Variants in APBA2 observed in about 807,000 individuals in gnomAD.
APBA2 encodes the protein amyloid-beta A4 precursor protein-binding family A member 2.
In APBA2, 30 loss-of-function variants were observed where a neutral mutation model predicts 75.0. The observed-to-expected ratio is 0.40, with a 90% CI of 0.30 to 0.54. The LOEUF (loss-of-function observed/expected upper bound fraction) is 0.54. Ranked by LOEUF, APBA2 falls within the 20% of genes least tolerant of loss-of-function variation. APBA2 has a pLI of 0.49. For synonymous variants in APBA2, 444 were observed against 409.6 expected (o/e 1.08, Z -1.01); for missense variants, 801 against 1,016.1 (o/e 0.79, Z 2.88).
At chr15:28,915,091 A>ATACCCCATGTATACCACACACCACAC (rs2033609040) in intron 1 of APBA2, among the ~76,000 whole-genome samples, 2 of 18,488 alleles carry the variant, frequency 1.1e-4, no homozygotes, top group Non-Finnish European at 2.4e-4. Context: ...ACACACCACA[A>ATACCCCATGTATACCACACACCACAC]ACATACCATA....
At chr15:28,950,289 C>T (rs997993055) in intron 2 of APBA2, among the ~76,000 whole-genome samples, 26 of 152,146 alleles carry the variant, frequency 1.7e-4, no homozygotes, top group African/African-American at 7.2e-5. Context: ...ATGTTGACCC[C>T]GATCAGCTGG....
chr15:29,092,251 C>T (rs544250851), intron 6 of APBA2, among the ~76,000 whole-genome samples: 1 of 152,180 alleles, frequency 6.6e-6, no homozygotes, highest in African/African-American at 2.4e-5. Context: ...GAAAGGTTTG[C>T]CCACCCCTAG....
chr15:29,091,038 G>A (rs2043543443), intron 6 of APBA2, among the ~76,000 whole-genome samples: 1 of 152,080 alleles, frequency 6.6e-6, no homozygotes, highest in South Asian at 2.1e-4. Context: ...TCCCTCTGTG[G>A]GGCTGCCTCT....
Position 28,997,596 on chromosome 15 carries a change from G to T in APBA2, c.-41+1790G>T, listed in dbSNP as rs147891418. Reference sequence around the variant, plus strand: ...AATTCCAGTCTTCTGGGAGCCCAGGGTTAAGCAGCTGCCTCAGCCCATCCA... The same window carrying T: ...AATTCCAGTCTTCTGGGAGCCCAGGTTTAAGCAGCTGCCTCAGCCCATCCA... On this transcript the variant is annotated intron_variant, in intron 3 of 14. Transcript: ENST00000683413. Among the ~76,000 whole-genome samples the T allele has an allele frequency of 6.6e-3, 1,002 of 152,266 alleles. 13 individuals carry two copies. The highest frequency in any genetic ancestry group is 0.023 in the African/African-American group (955 of 41,556).
intron 3 of APBA2, among the ~76,000 whole-genome samples, chr15:29,021,265 A>G (rs1170192391): frequency 6.6e-6 from 1 of 152,198 alleles, no homozygotes; most frequent in Non-Finnish European, 1.5e-5. Flanking sequence ...ACAGTGGCTC[A>G]TGCCTGTAAT....
At chr15:29,048,368 A>G (rs1045418002) in intron 3 of APBA2, among the ~76,000 whole-genome samples, 4 of 152,190 alleles carry the variant, frequency 2.6e-5, no homozygotes, top group Admixed American at 6.5e-5. Context: ...AAAATTCCCT[A>G]AAGTAATTTA....
chr15:29,065,847 G>A (rs2042357265), intron 4 of APBA2, among the ~76,000 whole-genome samples: 1 of 152,238 alleles, frequency 6.6e-6, no homozygotes, highest in South Asian at 2.1e-4. Flanking sequence ...ACTGGGTGCT[G>A]ACTCACTTCT....
intron 2 of APBA2, among the ~76,000 whole-genome samples, chr15:28,958,973 T>C (rs1183624648): frequency 1.3e-5 from 2 of 152,186 alleles, no homozygotes; most frequent in Non-Finnish European, 2.9e-5. Context: ...TCTATAGGGC[T>C]CTTCTCTTCT....
chr15:29,098,610 AAAC>A, intron 9 of APBA2, 34 bp downstream of exon 9: 1 of 1,553,072 alleles, frequency 6.4e-7, no homozygotes, highest in Non-Finnish European at 8.9e-7. Context: ...AAAATCAGGT[AAAC>A]TCCTAAGTTC....
intron 6 of APBA2, among the ~76,000 whole-genome samples, chr15:29,091,095 G>T (rs2043546915): frequency 1.3e-5 from 2 of 152,176 alleles, no homozygotes; most frequent in Admixed American, 6.5e-5. Flanking sequence ...CTGAGAGACA[G>T]GTGGACAGGG....
chr15:28,966,902 C>T (rs975634855), intron 2 of APBA2, among the ~76,000 whole-genome samples: 6 of 152,156 alleles, frequency 3.9e-5, no homozygotes, highest in African/African-American at 1.4e-4. Context: ...CCACTTTGGA[C>T]CCTTTACCCT....
intron 3 of APBA2, among the ~76,000 whole-genome samples, chr15:29,031,917 G>A (rs1400070311): frequency 6.6e-5 from 10 of 152,378 alleles, no homozygotes; most frequent in Admixed American, 4.6e-4. Flanking sequence ...TGAGGGTGAA[G>A]TGCAGGCCAT....
rs767460663 is a variant in APBA2, at chr15:29,108,513, C to T, written c.2037+124C>T. ...GGTAGGACCTGGCCTGTGGTTGCAG[C>T]TGCCCACAGCCAGGCCACCTGGGGC... On this transcript the variant is annotated intron_variant, in intron 13 of 14. Transcript: ENST00000683413. 3.5e-5 allele frequency: 52 copies of T among 1,501,770 alleles called. No individual in the cohort carries two copies. In the Admixed American group the frequency reaches 6.8e-4, roughly 20 times the overall value. 93.0% of individuals were successfully genotyped at this position (1,501,770 alleles called of 1,614,324 possible).
At chr15:29,113,086 T>C (rs1462926365) in intron 13 of APBA2, among the ~76,000 whole-genome samples, 2 of 152,192 alleles carry the variant, frequency 1.3e-5, no homozygotes, top group African/African-American at 4.8e-5. Context: ...GCACATTCTG[T>C]TTCTCCGCTA....
At chr15:28,935,938 C>T (rs1390038347) in intron 2 of APBA2, among the ~76,000 whole-genome samples, 1 of 152,056 alleles carries the variant, frequency 6.6e-6, no homozygotes, top group East Asian at 1.9e-4. Flanking sequence ...TATTCCCACA[C>T]CAGAGTGGTG....
At chr15:29,083,120 T>C (rs2043151072) in intron 6 of APBA2, among the ~76,000 whole-genome samples, 1 of 152,198 alleles carries the variant, frequency 6.6e-6, no homozygotes, top group Admixed American at 6.5e-5. Context: ...AGGACTTTGG[T>C]ATTATTTTAA....
intron 1 of APBA2, among the ~76,000 whole-genome samples, chr15:28,920,618 C>T (rs533139675): frequency 2.6e-5 from 4 of 152,294 alleles, no homozygotes; most frequent in South Asian, 4.1e-4. Context: ...AGGAGGCCTC[C>T]AGCTGGGTGG....
chr15:29,061,932 G>T (rs1480356986), intron 4 of APBA2, among the ~76,000 whole-genome samples: 1 of 152,212 alleles, frequency 6.6e-6, no homozygotes, highest in Admixed American at 6.5e-5. Flanking sequence ...ATCAGCGTGT[G>T]GTGGGGCAGC....
In APBA2 at chr15:29,108,219, A is replaced by G. The variant is rs548978294; in HGVS notation, c.1918-51A>G. On this transcript the variant is annotated intron_variant, in intron 12 of 14. Transcript: ENST00000683413. ...CTGCCAGCCTCGCTCATCCTGGGTCAGGCTTGATGTCTAAGGCCCAGCCTG... is the reference window on the plus strand; with the variant it reads ...CTGCCAGCCTCGCTCATCCTGGGTCGGGCTTGATGTCTAAGGCCCAGCCTG... 1.4e-5 allele frequency: 23 copies of G among 1,611,940 alleles called. No individual in the cohort carries two copies. In the Admixed American group the frequency reaches 3.8e-4, roughly 27 times the overall value.
Sources: allele counts gnomAD v4.1 joint callset (sites outside exome capture counted in the v4.1 genomes callset), GRCh38; gene constraint gnomAD v4.1.1; transcripts MANE v1.5; gene names NCBI Gene and HGNC (gene_info 2026-07-23, HGNC 2026-07-21).